The following SLC24A2 variants were observed in gnomAD, a reference collection of about 807,000 sequenced individuals.
SLC24A2 encodes the protein sodium/potassium/calcium exchanger 2.
SLC24A2 carries 36 observed loss-of-function variants against 62.0 expected under a neutral mutation model. The observed-to-expected ratio is 0.58, with a 90% confidence interval of 0.44 to 0.77. The LOEUF (loss-of-function observed/expected upper bound fraction) is 0.77, where lower values mean the gene tolerates loss of function less well. SLC24A2 is among the 30% of genes least tolerant of loss of function. The pLI, the probability that SLC24A2 is intolerant of heterozygous loss-of-function variation, is 0.00. For missense variants in SLC24A2, 846 were observed against 817.9 expected, an observed-to-expected ratio of 1.03 and a Z score of -0.42; for synonymous variants, 358 against 294.0, an observed-to-expected ratio of 1.22 and a Z score of -2.23.
chr9:20,065,453 G>C, the SLC24A2 span, among the ~76,000 whole-genome samples: 1 of 152,166 alleles, frequency 6.6e-6, no homozygotes, highest in Admixed American at 6.5e-5. Flanking sequence ...CTGGACAGAG[G>C]AATGGAGAGA....
At chr9:20,122,525 A>T in the SLC24A2 span, among the ~76,000 whole-genome samples, 3 of 152,210 alleles carry the variant, frequency 2.0e-5, no homozygotes, top group South Asian at 6.2e-4. Context: ...TGTCTCTACT[A>T]AAAATACAAA....
At position 19,534,885 on chromosome 9, in the gene SLC24A2, TGCTGGG is replaced by T. The variant is rs1563940684; in HGVS notation, c.1480-6753_1480-6748del. ...TTGGGTATATACCCAGTAATGAGAT[TGCTGGG>T]TCAAATGGTATTTCTAATTCTAGAT... On this transcript the variant is annotated intron_variant, in intron 8 of 10. Coordinates refer to ENST00000341998, the MANE Select transcript of SLC24A2 (RefSeq NM_020344.4). Among the ~76,000 whole-genome samples the T allele has an allele frequency of 1.2e-3, 181 of 152,282 alleles. 1 individual carries two copies. Among genetic ancestry groups the T allele is most frequent in the African/African-American group, 4.1e-3 (170 of 41,556 alleles).
chr9:20,064,685 T>C, the SLC24A2 span, among the ~76,000 whole-genome samples: 3 of 152,312 alleles, frequency 2.0e-5, no homozygotes, highest in East Asian at 5.8e-4. Context: ...CTTTACTGCA[T>C]TAGGTATTTA....
At chr9:19,782,285 A>G (rs1234272130) in intron 2 of SLC24A2, among the ~76,000 whole-genome samples, 1 of 152,214 alleles carries the variant, frequency 6.6e-6, no homozygotes, top group Non-Finnish European at 1.5e-5. Context: ...ATCCTGCAGG[A>G]TTCAAACTTA....
chr9:19,519,401 AC>A (rs1193005753), intron 10 of SLC24A2, among the ~76,000 whole-genome samples: 1 of 151,836 alleles, frequency 6.6e-6, no homozygotes, highest in African/African-American at 2.4e-5. Flanking sequence ...AGAATAATGA[AC>A]AAAAAGCATT....
intron 2 of SLC24A2, among the ~76,000 whole-genome samples, chr9:19,631,891 G>C (rs1818189524): frequency 6.6e-6 from 1 of 152,110 alleles, no homozygotes; most frequent in African/African-American, 2.4e-5. Context: ...TGGTCCAATT[G>C]GACCTGTACT....
At chr9:19,996,745 CAA>C in the SLC24A2 span, among the ~76,000 whole-genome samples, 1,205 of 66,606 alleles carry the variant, frequency 0.018, 13 homozygotes, top group African/African-American at 0.061. Flanking sequence ...GACTCCGTCT[CAA>C]AAAAAAAAAA....
At chr9:19,636,533 G>C (rs1201324429) in intron 2 of SLC24A2, among the ~76,000 whole-genome samples, 1 of 150,946 alleles carries the variant, frequency 6.6e-6, no homozygotes, top group Non-Finnish European at 1.5e-5. Flanking sequence ...CTGAGTTCAA[G>C]CGATTATTCT....
At chr9:19,533,167 G>GA (rs1311760773) in intron 8 of SLC24A2, among the ~76,000 whole-genome samples, 1 of 152,254 alleles carries the variant, frequency 6.6e-6, no homozygotes, top group East Asian at 1.9e-4. Context: ...AAGTATACAT[G>GA]AAAAAATCAT....
intron 2 of SLC24A2, among the ~76,000 whole-genome samples, chr9:19,676,179 AT>A (rs1447747067): frequency 3.9e-5 from 6 of 152,128 alleles, no homozygotes; most frequent in Non-Finnish European, 8.8e-5. Flanking sequence ...GGGGTGGATG[AT>A]CCCCCTTTCA....
intron 5 of SLC24A2, among the ~76,000 whole-genome samples, chr9:19,585,544 T>C (rs1836348369): frequency 6.6e-6 from 1 of 152,226 alleles, no homozygotes; most frequent in Non-Finnish European, 1.5e-5. Context: ...TGTGTGCTTA[T>C]GGCTACTAAG....
the SLC24A2 span, among the ~76,000 whole-genome samples, chr9:20,066,564 G>A: frequency 6.6e-5 from 10 of 152,298 alleles, no homozygotes; most frequent in East Asian, 1.7e-3. Context: ...CCTACTTTAA[G>A]AGAATTCTGT....
the SLC24A2 span, among the ~76,000 whole-genome samples, chr9:20,059,246 G>A: frequency 6.6e-6 from 1 of 152,176 alleles, no homozygotes; most frequent in South Asian, 2.1e-4. Context: ...AGAACATTTA[G>A]AGAGAAGATC....
the SLC24A2 span, among the ~76,000 whole-genome samples, chr9:20,024,070 G>A: frequency 6.6e-6 from 1 of 152,194 alleles, no homozygotes; most frequent in African/African-American, 2.4e-5. Context: ...TCAATTTAGA[G>A]CTGCTTTGCT....
the SLC24A2 span, among the ~76,000 whole-genome samples, chr9:20,278,300 A>G: frequency 2.0e-5 from 3 of 152,154 alleles, no homozygotes; most frequent in African/African-American, 7.2e-5. Context: ...AGGCTGCAAA[A>G]TTTTTGAACT....
chr9:20,272,703 C>T, the SLC24A2 span, among the ~76,000 whole-genome samples: 18 of 152,288 alleles, frequency 1.2e-4, no homozygotes, highest in South Asian at 3.7e-3. Context: ...AAAAGCATAG[C>T]AGCCTAAAAT....
intron 8 of SLC24A2, among the ~76,000 whole-genome samples, chr9:19,531,322 T>G (rs891264927): frequency 6.6e-6 from 1 of 152,234 alleles, no homozygotes; most frequent in Non-Finnish European, 1.5e-5. Flanking sequence ...TACAGTCATT[T>G]AGTTACCAGT....
the SLC24A2 span, among the ~76,000 whole-genome samples, chr9:19,995,118 T>G: frequency 1.3e-5 from 2 of 151,980 alleles, no homozygotes; most frequent in Non-Finnish European, 2.9e-5. Flanking sequence ...TTATTTCCCT[T>G]AAGTAGGAAT....
At chr9:20,234,599 T>A in the SLC24A2 span, among the ~76,000 whole-genome samples, 1 of 152,254 alleles carries the variant, frequency 6.6e-6, no homozygotes, top group African/African-American at 2.4e-5. Flanking sequence ...AGGACTTCTC[T>A]GCATTGGTTA....
Sources: allele counts gnomAD v4.1 joint callset (sites outside exome capture counted in the v4.1 genomes callset), GRCh38; gene constraint gnomAD v4.1.1; transcripts MANE v1.5; gene names NCBI Gene and HGNC (gene_info 2026-07-23, HGNC 2026-07-21).